RNF180: variants seen among roughly 807,000 people sequenced by gnomAD.
RNF180 encodes the protein ring finger protein 180.
In RNF180, 38 loss-of-function variants were observed where a neutral mutation model predicts 59.2. The observed-to-expected ratio is 0.64, with a 90% CI of 0.50 to 0.84. RNF180 has a LOEUF of 0.84. RNF180 is among the 40% of genes least tolerant of loss of function. The pLI is 0.00. For missense variants in RNF180, 705 were observed against 700.9 expected, an observed-to-expected ratio of 1.01 and a Z score of -0.07; for synonymous variants, 262 against 240.3, an observed-to-expected ratio of 1.09 and a Z score of -0.84.
At chr5:64,309,558 G>A (rs1364742590) in intron 5 of RNF180, among the ~76,000 whole-genome samples, 1 of 150,850 alleles carries the variant, frequency 6.6e-6, no homozygotes, top group Non-Finnish European at 1.5e-5. Flanking sequence ...TACTAATATC[G>A]GACCTTTTCA....
At position 64,229,208 on chromosome 5, in the gene RNF180, A is replaced by G. The variant is rs112570573; in HGVS notation, c.1227+11812A>G. Among the ~76,000 whole-genome samples the G allele has an allele frequency of 7.8e-3, 1,189 of 152,246 alleles. 7 individuals are homozygous for G. The highest frequency in any genetic ancestry group is 0.012 in the Non-Finnish European group (816 of 67,994). On this transcript the variant is annotated intron_variant, in intron 5 of 7. Coordinates refer to ENST00000389100, the MANE Select transcript of RNF180 (RefSeq NM_001113561.2). ...CCAAAGTGCTGGGATTACAGGCTTG[A>G]GGCACTGCACCTGGCCTAAAACTTT... is the stretch of plus-strand genomic sequence containing the variant.
chr5:64,217,126 C>G (rs1464964341), intron 4 of RNF180, among the ~76,000 whole-genome samples: 1 of 152,170 alleles, frequency 6.6e-6, no homozygotes, highest in Non-Finnish European at 1.5e-5. Context: ...AACCTTGAGA[C>G]TGGCCTCTTT....
chr5:64,351,764 A>G (rs1317462667), intron 7 of RNF180, among the ~76,000 whole-genome samples: 1 of 151,706 alleles, frequency 6.6e-6, no homozygotes, highest in African/African-American at 2.4e-5. Flanking sequence ...CCACTTGATC[A>G]TGGTGGATAA....
chr5:64,293,702 A>T (rs935478896), intron 5 of RNF180, among the ~76,000 whole-genome samples: 3 of 152,040 alleles, frequency 2.0e-5, no homozygotes, highest in Admixed American at 6.6e-5. Context: ...GTAATAGGTG[A>T]TTTATTGGTG....
At chr5:64,297,999 C>G (rs566050227) in intron 5 of RNF180, among the ~76,000 whole-genome samples, 4 of 151,998 alleles carry the variant, frequency 2.6e-5, no homozygotes, top group Non-Finnish European at 5.9e-5. Context: ...TTTCATCACC[C>G]AGGTGTAAAG....
At chr5:64,259,113 T>A (rs955870409) in intron 5 of RNF180, among the ~76,000 whole-genome samples, 2 of 151,864 alleles carry the variant, frequency 1.3e-5, no homozygotes, top group African/African-American at 4.8e-5. Context: ...GGGGCGGGAG[T>A]GGGTGGAATA....
intron 1 of RNF180, among the ~76,000 whole-genome samples, chr5:64,183,728 G>A (rs550647354): frequency 1.3e-5 from 2 of 152,254 alleles, no homozygotes; most frequent in Admixed American, 6.5e-5. Context: ...GGTTACAGGC[G>A]TGAGCCACTG....
At chr5:64,233,238 A>G (rs769799845) in intron 5 of RNF180, among the ~76,000 whole-genome samples, 97 of 152,246 alleles carry the variant, frequency 6.4e-4, no homozygotes, top group Admixed American at 1.6e-3. Context: ...GATCTTACAT[A>G]AGTACCCAAT....
chr5:64,212,308 T>C (rs1752353460), intron 3 of RNF180, 148 bp downstream of exon 3: 3 of 608,940 alleles, frequency 4.9e-6, no homozygotes, highest in Non-Finnish European at 6.0e-6. Context: ...ACTTCTTTTC[T>C]CCTTTCTCCG....
rs189556309 is a variant in RNF180, at chr5:64,178,371, G to A, written c.-1+12418G>A. On this transcript the variant is annotated intron_variant, in intron 1 of 7. Coordinates refer to ENST00000389100, the MANE Select transcript of RNF180 (RefSeq NM_001113561.2). Reference sequence around the variant, plus strand: ...GGCAGACAATATTGGAAGCCAAAAGGCAAGAGAGCCTTGATGTAGCAGTCC... The same window carrying A: ...GGCAGACAATATTGGAAGCCAAAAGACAAGAGAGCCTTGATGTAGCAGTCC... Among the ~76,000 whole-genome samples the A allele has an allele frequency of 1.1e-4, 17 of 152,280 alleles. No homozygotes were observed. In the East Asian group the frequency reaches 3.3e-3, roughly 29 times the overall value.
chr5:64,239,565 TAA>T (rs1284451631), intron 5 of RNF180, among the ~76,000 whole-genome samples: 1 of 152,128 alleles, frequency 6.6e-6, no homozygotes, highest in Non-Finnish European at 1.5e-5. Flanking sequence ...TCAGTTGAGT[TAA>T]GAGCTGTTGT....
intron 6 of RNF180, among the ~76,000 whole-genome samples, chr5:64,326,693 G>A (rs1233451437): frequency 1.3e-5 from 2 of 152,108 alleles, no homozygotes; most frequent in Non-Finnish European, 2.9e-5. Context: ...GTATCATCTT[G>A]ATGTGTTGTT....
intron 5 of RNF180, among the ~76,000 whole-genome samples, chr5:64,301,838 C>T (rs943920032): frequency 6.6e-6 from 1 of 151,512 alleles, no homozygotes; most frequent in Non-Finnish European, 1.5e-5. Flanking sequence ...CTTCTATGTA[C>T]ATTCCATTGC....
intron 5 of RNF180, among the ~76,000 whole-genome samples, chr5:64,284,606 A>G (rs1207458628): frequency 6.6e-6 from 1 of 152,108 alleles, no homozygotes; most frequent in Non-Finnish European, 1.5e-5. Context: ...TCTTTCCTGA[A>G]CCTTATCTAT....
intron 5 of RNF180, among the ~76,000 whole-genome samples, chr5:64,218,658 G>A (rs1752756741): frequency 6.6e-6 from 1 of 152,090 alleles, no homozygotes; most frequent in Non-Finnish European, 1.5e-5. Context: ...ATAAACTTGG[G>A]GAGAATTGAA....
chr5:64,222,341 G>A (rs1027113931), intron 5 of RNF180, among the ~76,000 whole-genome samples: 2 of 151,924 alleles, frequency 1.3e-5, no homozygotes, highest in Admixed American at 6.6e-5. Flanking sequence ...CAATGTGCAC[G>A]TTAGTTACAT....
chr5:64,175,578 A>G (rs1023315768), intron 1 of RNF180, among the ~76,000 whole-genome samples: 4 of 152,138 alleles, frequency 2.6e-5, no homozygotes, highest in African/African-American at 9.7e-5. Context: ...CTTTTTGCTC[A>G]AGATTACTTT....
Position 64,369,524 on chromosome 5 carries a change from A to G in RNF180, c.1580-91A>G, listed in dbSNP as rs575965488. ...CATAACTCCGCTCAGTGAAATCAGGATATGCTTTGTTTAACTGTACTTGTG... is the reference window on the plus strand; with the variant it reads ...CATAACTCCGCTCAGTGAAATCAGGGTATGCTTTGTTTAACTGTACTTGTG... On this transcript the variant is annotated intron_variant, in intron 7 of 7. Transcript: ENST00000389100. 227 of 698,592 alleles carry G rather than the reference A, an allele frequency of 3.2e-4. 1 individual carries two copies. The African/African-American group carries it at 4.0e-3, about 12-fold the overall frequency. The allele number at this position is 698,592 out of a possible 1,614,324, so 43.3% of individuals were successfully genotyped here. A position where few individuals can be genotyped will look rare whatever the true frequency, so the allele number is the denominator to read the frequency against.
rs150375580 is a variant in RNF180, at chr5:64,331,550, G to A, written c.1579+1144G>A. Among the ~76,000 whole-genome samples the A allele has an allele frequency of 3.2e-3, 484 of 152,178 alleles. 2 individuals are homozygous for A. The highest frequency in any genetic ancestry group is 4.0e-3 in the Non-Finnish European group (273 of 68,004). Reference sequence around the variant, plus strand: ...CTCCACTGAGGGCTGTAGAGACAGCGGGACAACCTGCCTGTGAATAGGAGA... The same window carrying A: ...CTCCACTGAGGGCTGTAGAGACAGCAGGACAACCTGCCTGTGAATAGGAGA... On this transcript the variant is annotated intron_variant, in intron 7 of 7. Transcript: ENST00000389100.
Sources: gnomAD v4.1 joint callset for allele counts (sites outside exome capture counted in the v4.1 genomes callset) on GRCh38, gnomAD v4.1.1 for gene constraint, MANE v1.5 for transcripts, NCBI Gene and HGNC (gene_info 2026-07-23, HGNC 2026-07-21) for gene names.